CIP2A: variants seen among roughly 807,000 people sequenced by gnomAD.
CIP2A encodes protein CIP2A.
A neutral mutation model predicts 110.9 loss-of-function variants in CIP2A; 103 were observed. That is an observed-to-expected ratio of 0.93 (90% CI 0.79 to 1.09). CIP2A has a LOEUF of 1.09. Among genes scored for constraint, CIP2A ranks in the 50% least tolerant of loss-of-function variants. CIP2A has a pLI of 0.00. For synonymous variants in CIP2A, 381 were observed against 361.6 expected, an observed-to-expected ratio of 1.05 and a Z score of -0.61; for missense variants, 1,088 against 1,038.4, an observed-to-expected ratio of 1.05 and a Z score of -0.66.
At position 108,553,688 on chromosome 3, in the gene CIP2A, T is replaced by C. The variant is rs1296015159; in HGVS notation, c.2367A>G (p.Glu789=). The C allele has an allele frequency of 6.6e-7, 1 of 1,510,410 alleles. No individual in the cohort carries two copies. Among genetic ancestry groups the C allele is most frequent in the Non-Finnish European group, 9.2e-7 (1 of 1,087,692 alleles). 93.6% of individuals were successfully genotyped at this position (1,510,410 alleles called of 1,614,324 possible). ...CTCTGTCTACTAGCTGATTCTGTAC[T>C]TCTTTTCTCTGTTCTTCTTTCTCTA... The part of the protein sequence containing the change: ...QLIEKEEQRK[E]VQNQLVDREH... Residue 789 remains glutamate (E), a synonymous_variant, in exon 19 of 21, where the codon GAA becomes GAG. Transcript: ENST00000295746.
chr3:108,587,778 C>G (rs544269362), intron 1 of CIP2A, among the ~76,000 whole-genome samples: 3 of 152,126 alleles, frequency 2.0e-5, no homozygotes, highest in African/African-American at 7.2e-5. Context: ...GTTTAAGTCT[C>G]TCTTTTTTTT....
In CIP2A at chr3:108,560,733, T is replaced by C. The variant is rs1184215085; in HGVS notation, c.1743A>G (p.Ile581Met). Reference sequence around the variant, plus strand: ...CTTTCAAATGAGGAGTTAAACACTTTATTGATGTTGGAAAACTGTGATTTG... The same window carrying C: ...CTTTCAAATGAGGAGTTAAACACTTCATTGATGTTGGAAAACTGTGATTTG... ...QSSNHSFPTS[I>M]KCLTPHLKDG... is the part of the protein sequence containing the mutation. The change falls in exon 14 of 21, where the codon ATA becomes ATG. Residue 581 changes from isoleucine to methionine, a missense_variant. Ile to Met is a conservative substitution (Grantham distance 10, BLOSUM62 1). Transcript: ENST00000295746. 2 of 1,612,218 alleles carry C rather than the reference T, an allele frequency of 1.2e-6. No individual in the cohort carries two copies. The highest frequency in any genetic ancestry group is 1.7e-5 in the Admixed American group (1 of 59,952).
In CIP2A at chr3:108,579,559, T is replaced by G; in HGVS notation, c.672+7A>C. On this transcript the variant is annotated splice_region_variant and intron_variant, in intron 6 of 20. Transcript: ENST00000295746. Reference sequence around the variant, plus strand: ...ACTTCAGAATAAATTTGAAAAATTGTATTTACCTTTTCCCCCACCTCTTCA... The same window carrying G: ...ACTTCAGAATAAATTTGAAAAATTGGATTTACCTTTTCCCCCACCTCTTCA... The G allele has an allele frequency of 6.3e-7, 1 of 1,578,578 alleles. No homozygotes were observed. The highest frequency in any genetic ancestry group is 8.6e-7 in the Non-Finnish European group (1 of 1,161,988).
At chr3:108,588,922 G>A (rs1939199969) in intron 1 of CIP2A, among the ~76,000 whole-genome samples, 1 of 152,170 alleles carries the variant, frequency 6.6e-6, no homozygotes, top group African/African-American at 2.4e-5. Flanking sequence ...ATGACTTTCC[G>A]TCACTGAGAA....
At chr3:108,560,585 G>T (rs767953156) in intron 14 of CIP2A, 64 bp downstream of exon 14, 5 of 931,122 alleles carry the variant, frequency 5.4e-6, no homozygotes, top group Non-Finnish European at 8.0e-6. Context: ...TTAGATACAC[G>T]TTATAATTGG....
intron 7 of CIP2A, among the ~76,000 whole-genome samples, chr3:108,578,674 C>T (rs1054265997): frequency 6.6e-6 from 1 of 152,060 alleles, no homozygotes; most frequent in East Asian, 1.9e-4. Flanking sequence ...GCAGCATAGG[C>T]CCCAGCAAAA....
chr3:108,552,489 C>T (rs547411975), intron 19 of CIP2A, 116 bp from the exon 20 acceptor site: 2 of 551,184 alleles, frequency 3.6e-6, no homozygotes, highest in Non-Finnish European at 6.0e-6. Context: ...GGAAGAGAAA[C>T]TTCTCTTATG....
chr3:108,584,958 T>C, intron 2 of CIP2A, 107 bp downstream of exon 2: 4 of 1,009,234 alleles, frequency 4.0e-6, no homozygotes, highest in Middle Eastern at 2.9e-4. Context: ...GACTGAGAAG[T>C]CTTTGAAGGT....
intron 7 of CIP2A, among the ~76,000 whole-genome samples, chr3:108,578,803 C>T (rs1453016294): frequency 6.6e-6 from 1 of 151,970 alleles, no homozygotes. Context: ...TCCTATTTTA[C>T]CTATGAAAAG....
chr3:108,552,903 T>C (rs542492937), intron 19 of CIP2A, among the ~76,000 whole-genome samples: 1 of 152,156 alleles, frequency 6.6e-6, no homozygotes, highest in East Asian at 1.9e-4. Context: ...ATGGAACCAA[T>C]AGACACTGCA....
chr3:108,559,929 A>C (rs760254281), intron 15 of CIP2A, 25 bp downstream of exon 15: 1 of 1,565,352 alleles, frequency 6.4e-7, no homozygotes, highest in South Asian at 1.1e-5. Flanking sequence ...CTTATTACAC[A>C]TTGTTAAAAT....
chr3:108,567,801 G>C (rs1201772390), intron 10 of CIP2A, among the ~76,000 whole-genome samples: 4 of 151,696 alleles, frequency 2.6e-5, no homozygotes, highest in Non-Finnish European at 5.9e-5. Flanking sequence ...TCCGTCCAGG[G>C]GAAATAATTA....
intron 19 of CIP2A, among the ~76,000 whole-genome samples, chr3:108,553,403 C>T (rs1248662977): frequency 6.6e-6 from 1 of 151,828 alleles, no homozygotes; most frequent in Non-Finnish European, 1.5e-5. Flanking sequence ...GCTGGGATTA[C>T]AGGAGTGAGC....
rs1938289822 is a variant in CIP2A, at chr3:108,569,171, T to TATATATATATATATATATATATATAC, written c.1113+217_1113+218insGTATATATATATATATATATATATAT. On this transcript the variant is annotated intron_variant, in intron 9 of 20. Transcript: ENST00000295746. ...ACTTATTACACTGAAATGAGCACTA[T>TATATATATATATATATATATATATAC]ATATATATATACATACACACTACTC... 4.6e-5 allele frequency among the ~76,000 whole-genome samples: 3 copies of TATATATATATATATATATATATATAC among 64,914 alleles called. 1 individual carries two copies. The highest frequency in any genetic ancestry group is 1.0e-4 in the Non-Finnish European group (3 of 29,850). 42.6% of individuals were successfully genotyped at this position (64,914 alleles called of 152,430 possible).
Position 108,576,281 on chromosome 3 carries a change from G to C in CIP2A, c.884C>G (p.Ser295Cys). ...LGLLNGKDPD[S>C]SSKVLELLLA... ...CATGTTTTTACATACCTTTGAAGAG[G>C]AATCAGGATCCTTTCCATTAAGAAG... Residue 295 changes from serine to cysteine, a missense_variant, in exon 8 of 21, where the codon TCC (serine) becomes TGC (cysteine). Ser to Cys is a moderately radical substitution (Grantham distance 112). Coordinates refer to ENST00000295746, the MANE Select transcript of CIP2A (RefSeq NM_020890.3). 2 of 1,552,572 alleles carry C rather than the reference G, an allele frequency of 1.3e-6. No homozygotes were observed. Among genetic ancestry groups the C allele is most frequent in the Non-Finnish European group, 1.7e-6 (2 of 1,147,980 alleles).
chr3:108,582,989 C>A lies in CIP2A; in HGVS notation c.345G>T (p.Ser115=). The change falls in exon 3 of 21, where the codon TCG becomes TCT. Residue 115 remains serine, a synonymous_variant. Transcript: ENST00000295746. ...TGGGTCTGTATACCTGCAAAAACAC[C>A]GAATCAGTGTGGCTGCTCCGACAAA... ...GVVCRSSHTD[S]VFLQCIQLLQ... is the part of the protein sequence containing the mutation. The A allele has an allele frequency of 1.2e-6, 2 of 1,606,860 alleles. No homozygotes were observed. The highest frequency in any genetic ancestry group is 1.7e-6 in the Non-Finnish European group (2 of 1,175,560).
intron 17 of CIP2A, 69 bp from the exon 18 acceptor site, chr3:108,554,558 A>G (rs1207073351): frequency 2.9e-6 from 2 of 682,826 alleles, no homozygotes; most frequent in African/African-American, 1.8e-5. Context: ...AGAAGCTCAC[A>G]GTGTTTTCTT....
At chr3:108,573,854 A>T in intron 8 of CIP2A, among the ~76,000 whole-genome samples, 1 of 152,138 alleles carries the variant, frequency 6.6e-6, no homozygotes, top group East Asian at 1.9e-4. Flanking sequence ...CTTCTGTAAA[A>T]ACTTGTAAGG....
At position 108,566,573 on chromosome 3, in the gene CIP2A, T is replaced by C. The variant is rs34944683; in HGVS notation, c.1339A>G (p.Thr447Ala). The C allele has an allele frequency of 4.3e-4, 696 of 1,605,946 alleles. 2 individuals are homozygous for C. In the African/African-American group the frequency reaches 8.3e-3, roughly 19 times the overall value. ...AKILTTVKCTTLIEQQFTYGK... is the reference protein window; with the variant it reads ...AKILTTVKCTALIEQQFTYGK... The stretch of plus-strand genomic sequence containing the variant: ...TATGTAAATTGTTGTTCTATAAGAG[T>C]GGTACACTTGACAGTTGTCAAGATT... The change falls in exon 11 of 21, where the codon ACT becomes GCT. Residue 447 changes from threonine (T) to alanine (A), a missense_variant. By Grantham distance (58) the Thr-to-Ala change is moderately conservative. Transcript: ENST00000295746.
Sources: gnomAD v4.1 joint callset for allele counts (sites outside exome capture counted in the v4.1 genomes callset) on GRCh38, gnomAD v4.1.1 for gene constraint, MANE v1.5 for transcripts, NCBI Gene and HGNC (gene_info 2026-07-23, HGNC 2026-07-21) for gene names.